LETM1: variants seen among roughly 807,000 people sequenced by gnomAD.
LETM1 encodes the protein leucine zipper and EF-hand containing transmembrane protein 1, also known as mitochondrial proton/calcium exchanger protein.
LETM1 carries 50 observed loss-of-function variants against 74.5 expected under a neutral mutation model. That is an observed-to-expected ratio of 0.67 (90% CI 0.53 to 0.85). The LOEUF (loss-of-function observed/expected upper bound fraction) is 0.85, where lower values mean the gene tolerates loss of function less well. Ranked by LOEUF, LETM1 falls within the 40% of genes least tolerant of loss-of-function variation. LETM1 has a pLI of 0.00. For synonymous variants in LETM1, 446 were observed against 407.1 expected (o/e 1.10, Z -1.15); for missense variants, 824 against 967.8 (o/e 0.85, Z 1.97).
rs1467041619 is a variant in LETM1 at position 1,829,297 on chromosome 4, G to C, written c.1080+3447C>G. On this transcript the variant is annotated intron_variant, in intron 6 of 13. Coordinates refer to ENST00000302787, the MANE Select transcript of LETM1 (RefSeq NM_012318.3). ...CCTCACTTCCCAGTAGGGGCGGCCG[G>C]GCAGAGGCGCCCCTCACCTCCCAGA... Among the ~76,000 whole-genome samples the C allele has an allele frequency of 6.8e-5, 10 of 146,190 alleles. 1 individual carries two copies. Among genetic ancestry groups the C allele is most frequent in the African/African-American group, 2.6e-4 (10 of 38,312 alleles).
chr4:1,820,227 G>A (rs192287228), intron 10 of LETM1, among the ~76,000 whole-genome samples: 36 of 152,188 alleles, frequency 2.4e-4, no homozygotes, highest in African/African-American at 7.5e-4. Flanking sequence ...TGGGCCCCGC[G>A]CCCAGCCTCT....
chr4:1,816,390 T>C (rs1248801791), intron 12 of LETM1, among the ~76,000 whole-genome samples: 1 of 152,086 alleles, frequency 6.6e-6, no homozygotes, highest in Non-Finnish European at 1.5e-5. Context: ...GCTGGTGTCA[T>C]TACTGAGCGT....
intron 1 of LETM1, among the ~76,000 whole-genome samples, chr4:1,855,468 G>A (rs575098290): frequency 7.4e-4 from 112 of 152,336 alleles, no homozygotes; most frequent in Non-Finnish European, 1.4e-3. Flanking sequence ...GGTCCTGCTC[G>A]CCGGTGTCTG....
Position 1,827,879 on chromosome 4 carries a change from C to A in LETM1, c.1081-2196G>T, listed in dbSNP as rs1712057005. 6.3e-5 allele frequency among the ~76,000 whole-genome samples: 8 copies of A among 126,930 alleles called. No homozygotes were observed. In the South Asian group the frequency reaches 1.7e-3, roughly 27 times the overall value. 83.3% of individuals were successfully genotyped at this position (126,930 alleles called of 152,430 possible). A position where few individuals can be genotyped will look rare whatever the true frequency, so the allele number is the denominator to read the frequency against. ...AGTAGGGGCGGCCGGGCAGAGGCGC[C>A]CCCCCCACCTCCCGGACGGGGCGGC... On this transcript the variant is annotated intron_variant, in intron 6 of 13. Coordinates refer to ENST00000302787, the MANE Select transcript of LETM1 (RefSeq NM_012318.3).
At chr4:1,816,978 G>C (rs1468302136) in intron 11 of LETM1, 64 bp from the exon 12 acceptor site, 8 of 1,354,244 alleles carry the variant, frequency 5.9e-6, no homozygotes, top group Non-Finnish European at 4.2e-6. Context: ...AGGTGTAGTG[G>C]CTCACGCCTG....
chr4:1,843,981 C>A (rs922154264), intron 2 of LETM1, among the ~76,000 whole-genome samples: 20 of 152,198 alleles, frequency 1.3e-4, no homozygotes, highest in African/African-American at 4.8e-4. Flanking sequence ...TGGGAATACA[C>A]CTCCTCCCTG....
chr4:1,815,490 A>G lies in LETM1; in HGVS notation c.2070+174T>C, dbSNP rs551959003. Among the ~76,000 whole-genome samples, 37 of 152,282 alleles carry G rather than the reference A, an allele frequency of 2.4e-4. 1 individual carries two copies. The South Asian group carries it at 4.6e-3, about 19-fold the overall frequency. On this transcript the variant is annotated intron_variant, in intron 13 of 13. Coordinates refer to ENST00000302787, the MANE Select transcript of LETM1 (RefSeq NM_012318.3). ...TAACTTCAATAATTTCTCACTTCTG[A>G]TGTTTCAAATGAGAGCAGCGGCTTA...
At position 1,823,791 on chromosome 4, in the gene LETM1, G is replaced by A. The variant is rs749919944; in HGVS notation, c.1201-16C>T. 7 of 1,599,026 alleles carry A rather than the reference G, an allele frequency of 4.4e-6. No homozygotes were observed. The highest frequency in any genetic ancestry group is 2.6e-6 in the Non-Finnish European group (3 of 1,171,446). ...GGTCCAGCCACTGCAACCAAGGCCAGGTTCAGCAGATGGGCAGCCCCCCAA... is the reference window on the plus strand; with the variant it reads ...GGTCCAGCCACTGCAACCAAGGCCAAGTTCAGCAGATGGGCAGCCCCCCAA... On this transcript the variant is annotated splice_polypyrimidine_tract_variant and intron_variant, in intron 7 of 13. Transcript: ENST00000302787.
At chr4:1,852,207 C>T (rs1002617621) in intron 1 of LETM1, among the ~76,000 whole-genome samples, 4 of 152,250 alleles carry the variant, frequency 2.6e-5, no homozygotes, top group African/African-American at 9.6e-5. Context: ...GCTGACCACA[C>T]ATTTGAGGGT....
rs1325790486 is a variant in LETM1, at chr4:1,813,782, G to A, written c.*642C>T. The A allele has an allele frequency of 3.9e-5, 6 of 153,006 alleles. No individual in the cohort carries two copies. The highest frequency in any genetic ancestry group is 3.8e-4 in the East Asian group (2 of 5,274). The allele number at this position is 153,006 out of a possible 1,614,324, so 9.5% of individuals were successfully genotyped here. A position where few individuals can be genotyped will look rare whatever the true frequency, so the allele number is the denominator to read the frequency against. Reference sequence around the variant, plus strand: ...AAAGAACTGGGGGAAATAGAAAGCCGAGAAAGAGCTCCGATACACAAGGGA... The same window carrying A: ...AAAGAACTGGGGGAAATAGAAAGCCAAGAAAGAGCTCCGATACACAAGGGA... On this transcript the variant is annotated 3_prime_UTR_variant, in exon 14 of 14. Transcript: ENST00000302787.
At chr4:1,835,801 C>G (rs1712446001) in intron 4 of LETM1, among the ~76,000 whole-genome samples, 1 of 152,096 alleles carries the variant, frequency 6.6e-6, no homozygotes, top group South Asian at 2.1e-4. Flanking sequence ...ATACATTGAG[C>G]TGGAAGCAGT....
chr4:1,838,673 G>A (rs1227224395), intron 3 of LETM1, among the ~76,000 whole-genome samples: 1 of 152,114 alleles, frequency 6.6e-6, no homozygotes, highest in Admixed American at 6.5e-5. Context: ...GCGAGAACCT[G>A]TCTCAAAAAT....
rs1282101000 is a variant in LETM1 at position 1,812,497 on chromosome 4, G to C, written c.*1927C>G. 1 of 152,000 alleles carries C rather than the reference G, an allele frequency of 6.6e-6. No homozygotes were observed. Among genetic ancestry groups the C allele is most frequent in the Non-Finnish European group, 1.5e-5 (1 of 68,006 alleles). The allele number at this position is 152,000 out of a possible 1,614,324, so 9.4% of individuals were successfully genotyped here. On this transcript the variant is annotated 3_prime_UTR_variant, in exon 14 of 14. Coordinates refer to ENST00000302787, the MANE Select transcript of LETM1 (RefSeq NM_012318.3). ...CTAGCTCCTGAAAAAGGCCAAGACC[G>C]AGGGTCTGGCCCTGGGCAGGTGTAA...
chr4:1,841,587 C>G lies in LETM1; in HGVS notation c.354G>C (p.Ser118=). The change falls in exon 3 of 14, where the codon TCG becomes TCC. Residue 118 remains serine (S), a synonymous_variant. Coordinates refer to ENST00000302787, the MANE Select transcript of LETM1 (RefSeq NM_012318.3). ...AGGACTTGAGGGACTTCTCTACTAC[C>G]GAGTCATCGCGAACAGGGCGCGAAG... is the stretch of plus-strand genomic sequence containing the variant. The part of the protein sequence containing the change: ...WHSSRPVRDD[S]VVEKSLKSLK... 8 of 1,614,162 alleles carry G rather than the reference C, an allele frequency of 5.0e-6. No individual in the cohort carries two copies. The highest frequency in any genetic ancestry group is 6.8e-6 in the Non-Finnish European group (8 of 1,180,032).
chr4:1,844,655 C>T (rs936081795), intron 2 of LETM1, among the ~76,000 whole-genome samples: 1 of 151,492 alleles, frequency 6.6e-6, no homozygotes, highest in African/African-American at 2.4e-5. Context: ...TGCTTGAAGC[C>T]GGGAGGTGGA....
At chr4:1,831,586 C>T (rs905465747) in intron 6 of LETM1, among the ~76,000 whole-genome samples, 2 of 152,270 alleles carry the variant, frequency 1.3e-5, no homozygotes, top group Admixed American at 6.5e-5. Context: ...TCAAGCCCCC[C>T]ACCTGGTCTC....
Position 1,841,425 on chromosome 4 carries a change from C to G in LETM1, c.516G>C (p.Trp172Cys), listed in dbSNP as rs1560501006. 1 of 1,614,230 alleles carries G rather than the reference C, an allele frequency of 6.2e-7. No individual in the cohort carries two copies. The highest frequency in any genetic ancestry group is 8.5e-7 in the Non-Finnish European group (1 of 1,180,050). ...KHYYHGFRLL[W>C]IDTKIAARML... ...TGCGTGCCGCGATCTTGGTGTCGAT[C>G]CATAGCAGGCGGAAGCCATGGTAGT... is the stretch of plus-strand genomic sequence containing the variant. The change falls in exon 3 of 14, where the codon TGG becomes TGC. Residue 172 changes from tryptophan (W) to cysteine (C), a missense_variant. This residue lies in a region of LETM1 where 269 missense variants were observed against 348.8 expected (regional missense o/e 0.77). Transcript: ENST00000302787.
intron 3 of LETM1, among the ~76,000 whole-genome samples, chr4:1,839,504 G>A (rs1207328341): frequency 1.3e-5 from 2 of 152,358 alleles, no homozygotes; most frequent in East Asian, 3.9e-4. Flanking sequence ...AAGAGTTGAA[G>A]CAGGAGCAGA....
chr4:1,840,709 TAAAAA>T (rs57462521), intron 3 of LETM1, among the ~76,000 whole-genome samples: 1 of 143,118 alleles, frequency 7.0e-6, no homozygotes, highest in Non-Finnish European at 1.5e-5. Flanking sequence ...ATAATAATAA[TAAAAA>T]AAAAACGAAG....
Sources: gnomAD v4.1 joint callset for allele counts (sites outside exome capture counted in the v4.1 genomes callset) on GRCh38, gnomAD v4.1.1 for gene constraint, gnomAD v4.1.1 regional missense constraint, MANE v1.5 for transcripts, NCBI Gene and HGNC (gene_info 2026-07-23, HGNC 2026-07-21) for gene names.